PRPF18: variants seen among roughly 807,000 people sequenced by gnomAD.
The protein encoded by PRPF18 is pre-mRNA-splicing factor 18.
A neutral mutation model predicts 46.5 loss-of-function variants in PRPF18; 38 were observed. The observed-to-expected ratio is 0.82, with a 90% CI of 0.63 to 1.07. PRPF18 has a LOEUF of 1.07. Among genes scored for constraint, PRPF18 ranks in the 50% least tolerant of loss-of-function variants. The probability of loss-of-function intolerance (pLI) is 0.00; values close to 1 mark genes in which losing one functional copy is unlikely to be tolerated. For missense variants in PRPF18, 263 were observed against 410.0 expected, an observed-to-expected ratio of 0.64 and a Z score of 3.10; for synonymous variants, 152 against 146.7, an observed-to-expected ratio of 1.04 and a Z score of -0.26.
At chr10:13,615,905 C>T (rs550146930) in intron 8 of PRPF18, among the ~76,000 whole-genome samples, 7 of 152,240 alleles carry the variant, frequency 4.6e-5, no homozygotes, top group East Asian at 3.9e-4. Context: ...GTGTGGTCGT[C>T]GGCACATACT....
At chr10:13,591,956 C>T (rs1469850243) in intron 1 of PRPF18, 2 of 1,172,704 alleles carry the variant, frequency 1.7e-6, no homozygotes, top group Non-Finnish European at 2.4e-6. Flanking sequence ...CATGGCTCAA[C>T]AGCTTTTGAG....
chr10:13,618,654 TGG>T (rs1392320041), intron 9 of PRPF18, among the ~76,000 whole-genome samples: 1 of 144,990 alleles, frequency 6.9e-6, no homozygotes, highest in African/African-American at 2.6e-5. Flanking sequence ...AAGAATTTAG[TGG>T]ACTAAATTTA....
the PRPF18 span, chr10:13,642,747 T>A: frequency 1.3e-5 from 2 of 152,162 alleles, no homozygotes; most frequent in Admixed American, 1.3e-4. Flanking sequence ...CAAGTGTAGA[T>A]GATTTTGAGA....
intron 1 of PRPF18, among the ~76,000 whole-genome samples, chr10:13,587,980 C>T (rs1258562151): frequency 3.3e-5 from 5 of 152,110 alleles, no homozygotes; most frequent in African/African-American, 1.2e-4. Flanking sequence ...TGTTTGTTTT[C>T]CCCCGACTGA....
At position 13,616,363 on chromosome 10, in the gene PRPF18, C is replaced by T. The variant is rs143680326; in HGVS notation, c.793-35C>T. The T allele has an allele frequency of 3.4e-4, 535 of 1,563,290 alleles. 1 individual carries two copies. The highest frequency in any genetic ancestry group is 3.1e-3 in the East Asian group (137 of 44,296). ...AGAATTTGAGCCAGTACAACATTTTCGCCTTTCTGATTTCTTCTTACACTT... is the reference window on the plus strand; with the variant it reads ...AGAATTTGAGCCAGTACAACATTTTTGCCTTTCTGATTTCTTCTTACACTT... On this transcript the variant is annotated intron_variant, in intron 8 of 9. Coordinates refer to ENST00000378572, the MANE Select transcript of PRPF18 (RefSeq NM_003675.4).
chr10:13,624,106 T>G (rs1408487369), intron 9 of PRPF18, among the ~76,000 whole-genome samples: 2 of 152,186 alleles, frequency 1.3e-5, no homozygotes, highest in East Asian at 3.9e-4. Context: ...TGCCTCAGCC[T>G]CCTGAGTAGC....
At chr10:13,624,115 G>A (rs1279791699) in intron 9 of PRPF18, among the ~76,000 whole-genome samples, 1 of 152,154 alleles carries the variant, frequency 6.6e-6, no homozygotes, top group African/African-American at 2.4e-5. Context: ...CTCCTGAGTA[G>A]CTGGGTGTGT....
At chr10:13,611,588 A>C in intron 5 of PRPF18, 27 bp from the exon 6 acceptor site, 1 of 1,597,040 alleles carries the variant, frequency 6.3e-7, no homozygotes, top group East Asian at 2.2e-5. Flanking sequence ...GTATTAATGA[A>C]CAGAAGCATT....
At chr10:13,611,187 CT>C (rs35441441) in intron 5 of PRPF18, among the ~76,000 whole-genome samples, 43,597 of 120,434 alleles carry the variant, frequency 0.36, 7,668 homozygotes, top group East Asian at 0.82. Context: ...CAGTTGTGGG[CT>C]TTTTTTTTTT....
At chr10:13,605,983 C>T (rs1022960896) in intron 4 of PRPF18, among the ~76,000 whole-genome samples, 9 of 152,120 alleles carry the variant, frequency 5.9e-5, no homozygotes, top group African/African-American at 9.7e-5. Context: ...AGAACATTTT[C>T]GTCACCAAAG....
At chr10:13,623,617 TATAAAC>T (rs1474113647) in intron 9 of PRPF18, among the ~76,000 whole-genome samples, 2 of 152,222 alleles carry the variant, frequency 1.3e-5, no homozygotes, top group Non-Finnish European at 2.9e-5. Flanking sequence ...AAAGATTACT[TATAAAC>T]AAAATATCTT....
chr10:13,590,757 A>G (rs778422223), intron 1 of PRPF18, among the ~76,000 whole-genome samples: 2 of 152,292 alleles, frequency 1.3e-5, no homozygotes, highest in South Asian at 2.1e-4. Flanking sequence ...GGAAGCTAAG[A>G]GAAGTTACAT....
chr10:13,608,249 T>G (rs968311751), intron 4 of PRPF18, among the ~76,000 whole-genome samples: 15 of 152,242 alleles, frequency 9.9e-5, no homozygotes, highest in African/African-American at 3.4e-4. Context: ...GTGATTGCAG[T>G]CAGATGAAGG....
At chr10:13,633,036 CA>C (rs1378219062), downstream of PRPF18, among the ~76,000 whole-genome samples, 1 of 152,144 alleles carries the variant, frequency 6.6e-6, no homozygotes, top group African/African-American at 2.4e-5. Flanking sequence ...ACTGCAAAGA[CA>C]GAGCAGTATT....
At position 13,603,011 on chromosome 10, in the gene PRPF18, C is replaced by T. The variant is rs192994266; in HGVS notation, c.250-2620C>T. Among the ~76,000 whole-genome samples, 15 of 152,342 alleles carry T rather than the reference C, an allele frequency of 9.8e-5. No homozygotes were observed. The East Asian group carries it at 2.3e-3, about 23-fold the overall frequency. On this transcript the variant is annotated intron_variant, in intron 3 of 9. Coordinates refer to ENST00000378572, the MANE Select transcript of PRPF18 (RefSeq NM_003675.4). ...CCTCACAAAGTGCTGGGATTACCGG[C>T]GAGGGCCACTGCGCCTGGCCTAGAA...
rs766647153 is a variant in PRPF18 at position 13,629,649 on chromosome 10, G to A, written c.949-611G>A. Among the ~76,000 whole-genome samples, 110 of 152,208 alleles carry A rather than the reference G, an allele frequency of 7.2e-4. 1 individual carries two copies. The highest frequency in any genetic ancestry group is 5.8e-3 in the Admixed American group (89 of 15,284). On this transcript the variant is annotated intron_variant, in intron 9 of 9. Coordinates refer to ENST00000378572, the MANE Select transcript of PRPF18 (RefSeq NM_003675.4). ...TGAATTTTATGAAAAGGATGTCACT[G>A]AAGGTAGTAACACTTCATGCCACTT...
At chr10:13,649,667 G>GTTGCTTCATGTATTGGTCTTT in the PRPF18 span, 1 of 152,246 alleles carries the variant, frequency 6.6e-6, no homozygotes, top group Non-Finnish European at 1.5e-5. Flanking sequence ...AGCTATAAAT[G>GTTGCTTCATGTATTGGTCTTT]TTGCTTCATG....
chr10:13,590,449 AAAAAT>A (rs1297093157), intron 1 of PRPF18, among the ~76,000 whole-genome samples: 1,772 of 139,958 alleles, frequency 0.013, 38 homozygotes, highest in African/African-American at 0.043. Context: ...TACAAAAAAA[AAAAAT>A]ATATATATAT....
chr10:13,587,122 G>A lies in PRPF18; in HGVS notation c.36G>A (p.Arg12=). The change falls in exon 1 of 10, where the codon CGG becomes CGA. Residue 12 remains arginine (R), a synonymous_variant. Transcript: ENST00000378572. ...DILKSEILRK[R]QLVEDRNLLV... ...TGAAATCAGAGATCCTTCGGAAGCG[G>A]CAGCTGGTGGAGGACAGGAACCTGC... The A allele has an allele frequency of 1.9e-6, 3 of 1,614,166 alleles. No individual in the cohort carries two copies. Among genetic ancestry groups the A allele is most frequent in the Non-Finnish European group, 2.5e-6 (3 of 1,179,980 alleles).
Sources: gnomAD v4.1 joint callset for allele counts (sites outside exome capture counted in the v4.1 genomes callset) on GRCh38, gnomAD v4.1.1 for gene constraint, MANE v1.5 for transcripts, NCBI Gene and HGNC (gene_info 2026-07-23, HGNC 2026-07-21) for gene names.